Variants in ARB2A observed in about 807,000 individuals in gnomAD.
ARB2A encodes ARB2 cotranscriptional regulator A.
At chr5:94,017,988 C>T in the ARB2A span, among the ~76,000 whole-genome samples, 1 of 152,160 alleles carries the variant, frequency 6.6e-6, no homozygotes, top group African/African-American at 2.4e-5. Context: ...GAGGTTTCCG[C>T]TTTTGCTTCT....
At chr5:94,053,812 G>C in the ARB2A span, among the ~76,000 whole-genome samples, 1 of 152,164 alleles carries the variant, frequency 6.6e-6, no homozygotes, top group African/African-American at 2.4e-5. Context: ...CGTCACCTAG[G>C]CTGGAGTGCA....
chr5:94,055,779 AG>A, the ARB2A span: 4 of 985,456 alleles, frequency 4.1e-6, no homozygotes, highest in East Asian at 4.5e-4. Flanking sequence ...GGACAAAATC[AG>A]ATTCCTTGAC....
At chr5:93,969,721 T>G in the ARB2A span, among the ~76,000 whole-genome samples, 1 of 152,274 alleles carries the variant, frequency 6.6e-6, no homozygotes, top group East Asian at 1.9e-4. Context: ...CATCCTACTA[T>G]GAATTTACTT....
At chr5:93,706,249 G>C in the ARB2A span, among the ~76,000 whole-genome samples, 2 of 152,162 alleles carry the variant, frequency 1.3e-5, no homozygotes, top group African/African-American at 4.8e-5. Context: ...ACTACAACAT[G>C]GTTCAGTCTT....
the ARB2A span, among the ~76,000 whole-genome samples, chr5:93,981,121 T>C: frequency 1.3e-5 from 2 of 151,650 alleles, no homozygotes; most frequent in African/African-American, 4.8e-5. Flanking sequence ...GGCTGGAGTG[T>C]GCAATGGCGC....
the ARB2A span, among the ~76,000 whole-genome samples, chr5:93,964,030 G>A: frequency 2.0e-5 from 3 of 151,808 alleles, no homozygotes; most frequent in African/African-American, 7.3e-5. Context: ...AATGTATAGA[G>A]GAAACAACAT....
At chr5:93,698,756 T>C in the ARB2A span, among the ~76,000 whole-genome samples, 3 of 152,260 alleles carry the variant, frequency 2.0e-5, no homozygotes, top group Non-Finnish European at 4.4e-5. Context: ...AAATATTTAC[T>C]GAGTACAAAC....
the ARB2A span, among the ~76,000 whole-genome samples, chr5:93,671,413 C>CT: frequency 2.6e-5 from 4 of 151,862 alleles, no homozygotes; most frequent in Admixed American, 2.0e-4. Context: ...ATACAGTGAA[C>CT]TAACACAGAA....
chr5:93,760,821 C>T, the ARB2A span, among the ~76,000 whole-genome samples: 195 of 152,160 alleles, frequency 1.3e-3, no homozygotes, highest in Middle Eastern at 0.017. Flanking sequence ...ATTGGAAAAC[C>T]CCTTCTAGAC....
At chr5:93,958,650 T>C in the ARB2A span, 2 of 653,368 alleles carry the variant, frequency 3.1e-6, no homozygotes, top group Admixed American at 3.7e-5. Context: ...TTCATACAAG[T>C]AAAATAAATA....
chr5:93,951,600 T>A, the ARB2A span, among the ~76,000 whole-genome samples: 1 of 152,236 alleles, frequency 6.6e-6, no homozygotes, highest in East Asian at 1.9e-4. Context: ...CAATGTATAT[T>A]CTTGGCATCT....
chr5:93,793,406 C>T, the ARB2A span, among the ~76,000 whole-genome samples: 14 of 151,838 alleles, frequency 9.2e-5, no homozygotes, highest in Admixed American at 3.9e-4. Context: ...CTCCAGATCC[C>T]GTCTTTGTAC....
chr5:94,065,356 A>C, the ARB2A span, among the ~76,000 whole-genome samples: 2 of 152,188 alleles, frequency 1.3e-5, no homozygotes, highest in African/African-American at 4.8e-5. Flanking sequence ...TCTCCAAAAA[A>C]TATACAAATT....
the ARB2A span, among the ~76,000 whole-genome samples, chr5:93,942,412 T>C: frequency 6.6e-6 from 1 of 152,138 alleles, no homozygotes; most frequent in Non-Finnish European, 1.5e-5. Flanking sequence ...TTAGTGATCT[T>C]GGTTTCAACT....
At chr5:93,728,941 C>G in the ARB2A span, among the ~76,000 whole-genome samples, 1 of 152,020 alleles carries the variant, frequency 6.6e-6, no homozygotes, top group East Asian at 1.9e-4. Context: ...TTGGAAGGCT[C>G]AAGTAATTAT....
chr5:93,741,791 G>C, the ARB2A span: 1 of 481,258 alleles, frequency 2.1e-6, no homozygotes, highest in African/African-American at 2.0e-5. Context: ...CTCCCATAGA[G>C]GTACAAAGCT....
the ARB2A span, chr5:93,736,172 A>G: frequency 2.6e-5 from 4 of 152,272 alleles, no homozygotes; most frequent in Admixed American, 6.5e-5. Context: ...TGTGGCCATC[A>G]TATTTCCAAT....
the ARB2A span, among the ~76,000 whole-genome samples, chr5:93,717,601 C>A: frequency 6.6e-6 from 1 of 151,926 alleles, no homozygotes; most frequent in African/African-American, 2.4e-5. Flanking sequence ...ATTCTAATAA[C>A]CAGAGGTAAA....
the ARB2A span, among the ~76,000 whole-genome samples, chr5:93,681,387 G>A: frequency 6.6e-6 from 1 of 152,212 alleles, no homozygotes; most frequent in South Asian, 2.1e-4. Context: ...ACTCTCTAGA[G>A]ATACTGCTTG....
Sources: allele counts gnomAD v4.1 joint callset (sites outside exome capture counted in the v4.1 genomes callset), GRCh38; gene constraint gnomAD v4.1.1; transcripts MANE v1.5; gene names NCBI Gene and HGNC (gene_info 2026-07-23, HGNC 2026-07-21).